The following KLHL32 variants were observed in gnomAD, a reference collection of about 807,000 sequenced individuals.
KLHL32 encodes the protein kelch-like protein 32.
KLHL32 carries 35 observed loss-of-function variants against 64.8 expected under a neutral mutation model. The ratio of observed to expected loss-of-function variants is 0.54; its 90% confidence interval spans 0.41 to 0.72. KLHL32 has a LOEUF of 0.72. Ranked by LOEUF, KLHL32 falls within the 30% of genes least tolerant of loss-of-function variation. The probability of loss-of-function intolerance (pLI) is 0.00; values close to 1 mark genes in which losing one functional copy is unlikely to be tolerated. For missense variants in KLHL32, 589 were observed against 768.5 expected, an observed-to-expected ratio of 0.77 and a Z score of 2.76; for synonymous variants, 259 against 281.0, an observed-to-expected ratio of 0.92 and a Z score of 0.78.
intron 1 of KLHL32, among the ~76,000 whole-genome samples, chr6:96,941,205 A>G (rs973257438): frequency 2.0e-5 from 3 of 152,252 alleles, no homozygotes; most frequent in African/African-American, 4.8e-5. Context: ...TACAACTTCT[A>G]TGATTCGCCT....
At chr6:97,120,080 C>T (rs920461950) in intron 7 of KLHL32, among the ~76,000 whole-genome samples, 2 of 152,024 alleles carry the variant, frequency 1.3e-5, no homozygotes, top group South Asian at 2.1e-4. Flanking sequence ...GGCTGGTAAA[C>T]GCTGAGAGCA....
chr6:96,998,516 G>A (rs948461999), intron 3 of KLHL32, among the ~76,000 whole-genome samples: 17 of 152,084 alleles, frequency 1.1e-4, no homozygotes, highest in African/African-American at 3.1e-4. Flanking sequence ...TATGGTTACT[G>A]TAAGCATATA....
intron 10 of KLHL32, among the ~76,000 whole-genome samples, chr6:97,134,014 C>T (rs543923408): frequency 2.6e-5 from 4 of 151,706 alleles, no homozygotes; most frequent in African/African-American, 9.7e-5. Flanking sequence ...CAAAAAAAAA[C>T]CCCTACATAA....
In KLHL32 at chr6:97,012,840, G is replaced by C. The variant is rs991914395; in HGVS notation, c.205-28652G>C. 2.0e-5 allele frequency among the ~76,000 whole-genome samples: 3 copies of C among 152,184 alleles called. No homozygotes were observed. In the East Asian group the frequency reaches 5.8e-4, roughly 29 times the overall value. On this transcript the variant is annotated intron_variant, in intron 3 of 10. Coordinates refer to ENST00000369261, the MANE Select transcript of KLHL32 (RefSeq NM_052904.4). ...TATTTCAAAGCAGAATATCAAAAGA[G>C]AGTCAGAAGGATTTGACATGTTTGA... is the stretch of plus-strand genomic sequence containing the variant.
intron 1 of KLHL32, among the ~76,000 whole-genome samples, chr6:96,930,858 C>T (rs578151332): frequency 1.3e-5 from 2 of 152,212 alleles, no homozygotes; most frequent in East Asian, 1.9e-4. Context: ...TCAGTTTCCT[C>T]CTACCCAGGC....
intron 4 of KLHL32, among the ~76,000 whole-genome samples, chr6:97,044,201 A>G (rs964886333): frequency 3.3e-5 from 5 of 152,140 alleles, no homozygotes; most frequent in African/African-American, 1.2e-4. Context: ...TTATCATGAT[A>G]GGATGCTGAA....
upstream of KLHL32, among the ~76,000 whole-genome samples, chr6:96,919,961 C>T (rs1199286588): frequency 1.3e-5 from 2 of 152,148 alleles, no homozygotes; most frequent in Non-Finnish European, 2.9e-5. Flanking sequence ...TTAAGAAAAC[C>T]AATCAACCAA....
the KLHL32 span, among the ~76,000 whole-genome samples, chr6:96,902,844 A>T: frequency 2.9e-3 from 441 of 152,296 alleles, 2 homozygotes; most frequent in Middle Eastern, 0.02. Context: ...TAAATAGGGA[A>T]TCCTTTCCCC....
At chr6:97,037,238 A>G (rs969496191) in intron 3 of KLHL32, among the ~76,000 whole-genome samples, 2 of 152,088 alleles carry the variant, frequency 1.3e-5, no homozygotes, top group African/African-American at 4.8e-5. Flanking sequence ...AGGTTTAACT[A>G]TAAATTAAGC....
chr6:97,102,226 C>T (rs1795822433), intron 6 of KLHL32, among the ~76,000 whole-genome samples: 1 of 152,136 alleles, frequency 6.6e-6, no homozygotes. Context: ...TAGGCATATA[C>T]CAATTTGTGA....
At chr6:96,903,327 A>G in the KLHL32 span, among the ~76,000 whole-genome samples, 4 of 152,100 alleles carry the variant, frequency 2.6e-5, no homozygotes, top group African/African-American at 7.2e-5. Flanking sequence ...CTTCTAGCCA[A>G]TAGAATATAG....
chr6:97,002,967 G>A (rs558105688), intron 3 of KLHL32, among the ~76,000 whole-genome samples: 22 of 152,274 alleles, frequency 1.4e-4, no homozygotes, highest in African/African-American at 4.6e-4. Flanking sequence ...ACATGCATGT[G>A]TCTTTATGGT....
chr6:96,912,248 C>T, the KLHL32 span, among the ~76,000 whole-genome samples: 32 of 152,256 alleles, frequency 2.1e-4, no homozygotes, highest in East Asian at 3.3e-3. Flanking sequence ...ATTTCACCCT[C>T]CTCACTGGCT....
At chr6:97,071,008 T>C (rs759363473) in intron 5 of KLHL32, among the ~76,000 whole-genome samples, 4 of 152,186 alleles carry the variant, frequency 2.6e-5, no homozygotes, top group Non-Finnish European at 5.9e-5. Flanking sequence ...TTCCATCAGT[T>C]ACGCCCTGTG....
chr6:97,005,790 G>A (rs1053444147), intron 3 of KLHL32, among the ~76,000 whole-genome samples: 1 of 152,118 alleles, frequency 6.6e-6, no homozygotes, highest in East Asian at 1.9e-4. Flanking sequence ...GTGTGGTTTT[G>A]AGAGATTTTC....
intron 4 of KLHL32, among the ~76,000 whole-genome samples, chr6:97,049,696 G>C (rs573299248): frequency 2.6e-5 from 4 of 152,312 alleles, no homozygotes; most frequent in Non-Finnish European, 5.9e-5. Flanking sequence ...TGGAAAGTTT[G>C]AGAAGTGTGA....
At chr6:96,901,516 A>G in the KLHL32 span, among the ~76,000 whole-genome samples, 3 of 152,132 alleles carry the variant, frequency 2.0e-5, no homozygotes, top group African/African-American at 7.2e-5. Context: ...TAATCTCTCC[A>G]TCTGAAGATC....
intron 3 of KLHL32, among the ~76,000 whole-genome samples, chr6:97,020,631 A>G (rs1468544158): frequency 6.6e-6 from 1 of 151,062 alleles, no homozygotes; most frequent in Non-Finnish European, 1.5e-5. Context: ...TAGCATAATG[A>G]GAACCATATC....
chr6:96,934,124 C>T (rs1332743609), intron 1 of KLHL32, among the ~76,000 whole-genome samples: 2 of 152,164 alleles, frequency 1.3e-5, no homozygotes, highest in African/African-American at 2.4e-5. Context: ...TAGGACCTTG[C>T]GTCAGAAAAT....
Sources: allele counts gnomAD v4.1 joint callset (sites outside exome capture counted in the v4.1 genomes callset), GRCh38; gene constraint gnomAD v4.1.1; transcripts MANE v1.5; gene names NCBI Gene and HGNC (gene_info 2026-07-23, HGNC 2026-07-21).